Variants in ABCC9 observed in about 807,000 individuals in gnomAD.
The protein encoded by ABCC9 is ATP binding cassette subfamily C member 9.
A neutral mutation model predicts 188.3 loss-of-function variants in ABCC9; 95 were observed. The observed-to-expected ratio is 0.50, with a 90% CI of 0.43 to 0.60. ABCC9 has a LOEUF of 0.60. Among genes scored for constraint, ABCC9 ranks in the 20% least tolerant of loss-of-function variants. The pLI is 0.00. For synonymous variants in ABCC9, 659 were observed against 652.7 expected, an observed-to-expected ratio of 1.01 and a Z score of -0.15; for missense variants, 1,102 against 1,876.3, an observed-to-expected ratio of 0.59 and a Z score of 7.62.
intron 29 of ABCC9, among the ~76,000 whole-genome samples, chr12:21,841,578 C>T (rs1185590211): frequency 2.6e-5 from 4 of 151,536 alleles, no homozygotes; most frequent in African/African-American, 9.7e-5. Flanking sequence ...AGGCTGGTCT[C>T]GAACTCCTGA....
chr12:21,929,760 TA>T (rs1268043635), intron 4 of ABCC9, among the ~76,000 whole-genome samples: 1 of 152,130 alleles, frequency 6.6e-6, no homozygotes, highest in Admixed American at 6.6e-5. Context: ...AAGAGTGTGT[TA>T]TCATTCCTCT....
At chr12:21,923,773 A>G in intron 5 of ABCC9, 1 of 693,698 alleles carries the variant, frequency 1.4e-6, no homozygotes, top group South Asian at 1.5e-5. Flanking sequence ...ACTCTTAGGT[A>G]TTTACCTAGG....
intron 24 of ABCC9, among the ~76,000 whole-genome samples, chr12:21,851,012 T>A (rs971325024): frequency 6.6e-6 from 1 of 152,084 alleles, no homozygotes; most frequent in African/African-American, 2.4e-5. Flanking sequence ...CCAAAGAAGG[T>A]AGAGAAATCC....
At chr12:21,818,059 C>T in intron 32 of ABCC9, 91 bp downstream of exon 32, 1 of 790,158 alleles carries the variant, frequency 1.3e-6, no homozygotes, top group Non-Finnish European at 2.0e-6. Flanking sequence ...CCTCTCTGTG[C>T]TCATGTGTTC....
chr12:21,844,785 A>G lies in ABCC9; in HGVS notation c.3227T>C (p.Ile1076Thr), dbSNP rs1356591712. ...GTTTTACCTTATTGGTCCAAGGATT[A>G]TCTTATTGAGAAGGTTGTGGTGAAG... ...KNLHHNLLNKIILGPIRFFDT... is the reference protein window; with the variant it reads ...KNLHHNLLNKTILGPIRFFDT... The change falls in exon 27 of 40, where the codon ATA (isoleucine) becomes ACA (threonine). Residue 1076 changes from isoleucine (I) to threonine (T), a missense_variant. Transcript: ENST00000261200. 3.7e-6 allele frequency: 6 copies of G among 1,613,892 alleles called. No individual in the cohort carries two copies. Among genetic ancestry groups the G allele is most frequent in the Non-Finnish European group, 5.1e-6 (6 of 1,179,870 alleles).
intron 5 of ABCC9, among the ~76,000 whole-genome samples, chr12:21,922,606 A>G (rs1385962762): frequency 6.6e-6 from 1 of 151,948 alleles, no homozygotes; most frequent in Non-Finnish European, 1.5e-5. Context: ...TGAAAGCTAC[A>G]AAACACTGCA....
At chr12:21,925,496 G>T (rs1055308309) in intron 5 of ABCC9, 9 of 702,494 alleles carry the variant, frequency 1.3e-5, no homozygotes, top group Non-Finnish European at 2.1e-5. Context: ...CACAGCATCA[G>T]TGAAAGGCTT....
At chr12:21,931,563 T>A (rs1487352125) in intron 4 of ABCC9, among the ~76,000 whole-genome samples, 1 of 152,114 alleles carries the variant, frequency 6.6e-6, no homozygotes, top group African/African-American at 2.4e-5. Flanking sequence ...AACAAGTTTC[T>A]ACCATTAGGA....
chr12:21,901,646 G>A (rs1947756549), intron 12 of ABCC9, among the ~76,000 whole-genome samples: 1 of 152,074 alleles, frequency 6.6e-6, no homozygotes, highest in Non-Finnish European at 1.5e-5. Flanking sequence ...AAAGGCAGAG[G>A]TTGCAATCCT....
chr12:21,810,202 C>A (rs1057349566), intron 36 of ABCC9, among the ~76,000 whole-genome samples: 5 of 152,072 alleles, frequency 3.3e-5, no homozygotes, highest in Non-Finnish European at 7.4e-5. Context: ...TACATTATAT[C>A]ATATTATCAA....
At chr12:21,844,196 C>T (rs1170489396) in intron 28 of ABCC9, among the ~76,000 whole-genome samples, 1 of 152,108 alleles carries the variant, frequency 6.6e-6, no homozygotes, top group Non-Finnish European at 1.5e-5. Flanking sequence ...TGACTTTAAT[C>T]AAAACAATTT....
intron 14 of ABCC9, among the ~76,000 whole-genome samples, chr12:21,890,673 A>G (rs1035613336): frequency 1.7e-4 from 26 of 152,276 alleles, no homozygotes; most frequent in African/African-American, 6.0e-4. Flanking sequence ...CTTTGTACGG[A>G]CATGGATGAA....
At chr12:21,925,391 T>TGCGAAA in intron 5 of ABCC9, 1 of 604,996 alleles carries the variant, frequency 1.7e-6, no homozygotes, top group Non-Finnish European at 3.0e-6. Flanking sequence ...CGAAAGGCCG[T>TGCGAAA]GATGTAATGG....
intron 24 of ABCC9, among the ~76,000 whole-genome samples, chr12:21,850,090 C>T (rs1944884401): frequency 6.6e-6 from 1 of 151,516 alleles, no homozygotes; most frequent in Non-Finnish European, 1.5e-5. Context: ...ACACAGTTGA[C>T]ATTTGAGCTG....
rs535187511 is a variant in ABCC9, at chr12:21,912,422, CAG to C, written c.1011+448_1011+449del. ...GTGACTTGCCCTGAACATTGTGAAA[CAG>C]GGTGGTGGGTTTTTATTATATAAGA... On this transcript the variant is annotated intron_variant, in intron 8 of 39. Transcript: ENST00000261200. Among the ~76,000 whole-genome samples the C allele has an allele frequency of 4.0e-3, 601 of 151,890 alleles. 4 individuals carry two copies. Among genetic ancestry groups the C allele is most frequent in the African/African-American group, 0.013 (548 of 41,482 alleles).
chr12:21,920,691 A>G (rs992442651), intron 5 of ABCC9, among the ~76,000 whole-genome samples: 9 of 151,988 alleles, frequency 5.9e-5, no homozygotes, highest in African/African-American at 1.4e-4. Context: ...CCCATTAAAC[A>G]TCCCCATTTG....
intron 2 of ABCC9, among the ~76,000 whole-genome samples, chr12:21,938,524 G>T (rs868168278): frequency 6.6e-6 from 1 of 152,014 alleles, no homozygotes; most frequent in South Asian, 2.1e-4. Flanking sequence ...AGCTAGTAAT[G>T]AATTTTTTAG....
At chr12:21,818,591 G>T (rs1030206513) in intron 31 of ABCC9, among the ~76,000 whole-genome samples, 1 of 145,984 alleles carries the variant, frequency 6.9e-6, no homozygotes, top group African/African-American at 2.5e-5. Flanking sequence ...TACACATCTT[G>T]CCAGAAGTTA....
chr12:21,887,775 G>T (rs1350961842), intron 15 of ABCC9, 51 bp downstream of exon 15: 14 of 1,148,002 alleles, frequency 1.2e-5, no homozygotes, highest in Admixed American at 5.1e-5. Flanking sequence ...TGTCCATTCT[G>T]CTGAGACTGT....
Sources: gnomAD v4.1 joint callset for allele counts (sites outside exome capture counted in the v4.1 genomes callset) on GRCh38, gnomAD v4.1.1 for gene constraint, MANE v1.5 for transcripts, NCBI Gene and HGNC (gene_info 2026-07-23, HGNC 2026-07-21) for gene names.